Variants in RNF111 observed in about 807,000 individuals in gnomAD.
RNF111 encodes ring finger protein 111.
RNF111 carries 17 observed loss-of-function variants against 95.1 expected under a neutral mutation model. The ratio of observed to expected loss-of-function variants is 0.18; its 90% CI spans 0.12 to 0.27. RNF111 has a LOEUF of 0.27. Among genes scored for constraint, RNF111 ranks in the 10% least tolerant of loss-of-function variants. The pLI is 1.00. For synonymous variants in RNF111, 440 were observed against 414.8 expected (o/e 1.06, Z -0.74); for missense variants, 1,189 against 1,210.4 (o/e 0.98, Z 0.26).
intron 5 of RNF111, among the ~76,000 whole-genome samples, chr15:59,061,971 T>A (rs1274021920): frequency 6.6e-6 from 1 of 152,254 alleles, no homozygotes; most frequent in East Asian, 1.9e-4. Context: ...ATTTCATAAC[T>A]GTAAGTGTTG....
chr15:59,068,982 G>T (rs890624292), intron 6 of RNF111, among the ~76,000 whole-genome samples: 19 of 150,474 alleles, frequency 1.3e-4, no homozygotes, highest in Admixed American at 9.4e-4. Context: ...ACTGAGGCAG[G>T]AGAATCGATT....
chr15:59,013,610 C>G (rs76444199), intron 1 of RNF111, among the ~76,000 whole-genome samples: 1 of 152,122 alleles, frequency 6.6e-6, no homozygotes, highest in Non-Finnish European at 1.5e-5. Context: ...GATCAGCTGG[C>G]TGAGTAGTGT....
At chr15:59,072,746 C>T (rs2042992899) in intron 6 of RNF111, among the ~76,000 whole-genome samples, 1 of 151,902 alleles carries the variant, frequency 6.6e-6, no homozygotes, top group Non-Finnish European at 1.5e-5. Context: ...GCCACCACAC[C>T]CGGCCTGTCA....
In RNF111 at chr15:59,031,120, G is replaced by T; in HGVS notation, c.298G>T (p.Ala100Ser). 1 of 1,614,206 alleles carries T rather than the reference G, an allele frequency of 6.2e-7. No homozygotes were observed. The highest frequency in any genetic ancestry group is 8.5e-7 in the Non-Finnish European group (1 of 1,180,032). Residue 100 changes from alanine (A) to serine (S), a missense_variant, in exon 2 of 14, where the codon GCT (alanine) becomes TCT (serine). Around this residue, in one of 2 missense-constraint regions of RNF111, gnomAD observed 1,024 missense variants for 925.9 expected, o/e 1.11. Transcript: ENST00000348370. Reference sequence around the variant, plus strand: ...GAGGAAAAAACGCAAAAGCCAGCAGGCTGGCCCTTCGTATGTGCAGAATTG... The same window carrying T: ...GAGGAAAAAACGCAAAAGCCAGCAGTCTGGCCCTTCGTATGTGCAGAATTG... ...VVRKKRKSQQ[A>S]GPSYVQNCVK...
At chr15:59,002,050 G>A (rs1317693397) in intron 1 of RNF111, among the ~76,000 whole-genome samples, 1 of 152,180 alleles carries the variant, frequency 6.6e-6, no homozygotes, top group Non-Finnish European at 1.5e-5. Flanking sequence ...TTAATGACAT[G>A]GGCACTGTGT....
chr15:59,026,146 C>G (rs996143164), intron 1 of RNF111, among the ~76,000 whole-genome samples: 2 of 151,864 alleles, frequency 1.3e-5, no homozygotes, highest in African/African-American at 4.8e-5. Context: ...AAGCATCATA[C>G]CAATAATAGT....
intron 1 of RNF111, among the ~76,000 whole-genome samples, chr15:58,990,203 G>A (rs577960484): frequency 2.0e-5 from 3 of 152,194 alleles, no homozygotes; most frequent in East Asian, 1.9e-4. Context: ...GAGAATTGTA[G>A]AATAGATAAC....
intron 2 of RNF111, among the ~76,000 whole-genome samples, chr15:59,035,395 C>T (rs769708663): frequency 6.6e-6 from 1 of 152,174 alleles, no homozygotes; most frequent in African/African-American, 2.4e-5. Flanking sequence ...AAAGTCTCAT[C>T]TGAGACAAGG....
At chr15:59,007,274 T>TG (rs1438450044) in intron 1 of RNF111, among the ~76,000 whole-genome samples, 1 of 152,096 alleles carries the variant, frequency 6.6e-6, no homozygotes, top group East Asian at 1.9e-4. Flanking sequence ...TCAATTTTTT[T>TG]TTTTTTTTTA....
chr15:59,059,643 A>G lies in RNF111; in HGVS notation c.1366+1093A>G, dbSNP rs544519305. On this transcript the variant is annotated intron_variant, in intron 5 of 13. Transcript: ENST00000348370. ...AACCGTTGCCTAATCCAGGGTCACA[A>G]AAATTTATTCTGGAGCTTTCTTTAG... 2.4e-4 allele frequency among the ~76,000 whole-genome samples: 36 copies of G among 152,284 alleles called. No homozygotes were observed. The South Asian group carries it at 5.0e-3, about 21-fold the overall frequency.
chr15:59,036,429 C>G (rs1168116343), intron 2 of RNF111, among the ~76,000 whole-genome samples: 2 of 152,168 alleles, frequency 1.3e-5, no homozygotes, highest in Non-Finnish European at 2.9e-5. Context: ...TCAGGCCTCA[C>G]AATCGTGGCA....
At chr15:59,089,848 C>G in intron 11 of RNF111, 89 bp downstream of exon 11, 1 of 811,726 alleles carries the variant, frequency 1.2e-6, no homozygotes. Flanking sequence ...TTGTGTAGGA[C>G]TGCTACAGTG....
intron 7 of RNF111, among the ~76,000 whole-genome samples, chr15:59,078,014 G>T (rs562706406): frequency 1.3e-5 from 2 of 152,302 alleles, no homozygotes; most frequent in South Asian, 4.1e-4. Context: ...CATCCAGAAT[G>T]AACTGGGGAA....
rs147502614 is a variant in RNF111, at chr15:59,096,235, A to G, written c.*1335A>G. 1 of 394,918 alleles carries G rather than the reference A, an allele frequency of 2.5e-6. No individual in the cohort carries two copies. Among genetic ancestry groups the G allele is most frequent in the Non-Finnish European group, 4.5e-6 (1 of 223,882 alleles). The allele number at this position is 394,918 out of a possible 1,614,324, so 24.5% of individuals were successfully genotyped here. Reference sequence around the variant, plus strand: ...CATATTATTATCAAGATACTTTCATATACAGGATAGCCTAATTTTATTTGT... The same window carrying G: ...CATATTATTATCAAGATACTTTCATGTACAGGATAGCCTAATTTTATTTGT... On this transcript the variant is annotated 3_prime_UTR_variant, in exon 14 of 14. Coordinates refer to ENST00000348370, the MANE Select transcript of RNF111 (RefSeq NM_017610.8).
intron 1 of RNF111, among the ~76,000 whole-genome samples, chr15:58,990,054 T>C (rs978950312): frequency 1.3e-5 from 2 of 152,214 alleles, no homozygotes; most frequent in African/African-American, 2.4e-5. Context: ...ATTACCGTTC[T>C]ATGGGTAACG....
intron 1 of RNF111, among the ~76,000 whole-genome samples, chr15:59,014,581 A>G (rs6494054): frequency 0.46 from 70,409 of 151,988 alleles, 17,335 homozygotes; most frequent in African/African-American, 0.64. Flanking sequence ...GCTTCAGAAG[A>G]AATGTATACT....
intron 6 of RNF111, among the ~76,000 whole-genome samples, chr15:59,075,170 C>T (rs1300923469): frequency 6.6e-6 from 1 of 152,120 alleles, no homozygotes; most frequent in Non-Finnish European, 1.5e-5. Context: ...GACACAGACA[C>T]AGAGTTTCCA....
intron 2 of RNF111, among the ~76,000 whole-genome samples, chr15:59,036,997 C>G (rs1306438541): frequency 2.0e-5 from 3 of 151,164 alleles, no homozygotes; most frequent in Non-Finnish European, 4.4e-5. Context: ...CTACAGTTGA[C>G]TAATTTTTTT....
chr15:59,019,036 A>G (rs930951511), intron 1 of RNF111, among the ~76,000 whole-genome samples: 10 of 149,646 alleles, frequency 6.7e-5, no homozygotes, highest in African/African-American at 2.2e-4. Context: ...TGATCCTCCC[A>G]CCTCAGCCAC....
Sources: allele counts gnomAD v4.1 joint callset (sites outside exome capture counted in the v4.1 genomes callset), GRCh38; gene constraint gnomAD v4.1.1; regional missense constraint gnomAD v4.1.1; transcripts MANE v1.5; gene names NCBI Gene and HGNC (gene_info 2026-07-23, HGNC 2026-07-21).